The following FTO variants were observed in gnomAD, a reference collection of about 807,000 sequenced individuals.
FTO encodes the protein FTO alpha-ketoglutarate dependent dioxygenase.
FTO carries 47 observed loss-of-function variants against 63.9 expected under a neutral mutation model. The ratio of observed to expected loss-of-function variants is 0.74; its 90% CI spans 0.58 to 0.94. FTO has a LOEUF of 0.94. Among genes scored for constraint, FTO ranks in the 40% least tolerant of loss-of-function variants. FTO has a pLI of 0.00. For missense variants in FTO, 562 were observed against 618.1 expected (o/e 0.91, Z 0.96); for synonymous variants, 207 against 224.4 (o/e 0.92, Z 0.69).
intron 1 of FTO, among the ~76,000 whole-genome samples, chr16:53,729,488 C>T (rs1006190628): frequency 6.8e-6 from 1 of 146,680 alleles, no homozygotes; most frequent in Admixed American, 6.8e-5. Flanking sequence ...GCGTGACAGA[C>T]TGAGACTCCG....
chr16:54,080,956 G>C lies in FTO; in HGVS notation c.1365-30806G>C, dbSNP rs190032887. Reference sequence around the variant, plus strand: ...GCTCCAAAAGATCCTGTTAAGGCAGGATGTAGTGTGAAACCCACAAGCGAA... The same window carrying C: ...GCTCCAAAAGATCCTGTTAAGGCAGCATGTAGTGTGAAACCCACAAGCGAA... On this transcript the variant is annotated intron_variant, in intron 8 of 8. Transcript: ENST00000471389. Among the ~76,000 whole-genome samples the C allele has an allele frequency of 4.6e-5, 7 of 152,276 alleles. No homozygotes were observed. The East Asian group carries it at 1.4e-3, about 29-fold the overall frequency.
intron 7 of FTO, among the ~76,000 whole-genome samples, chr16:53,896,203 G>A (rs920766487): frequency 3.9e-5 from 6 of 152,038 alleles, no homozygotes; most frequent in Non-Finnish European, 7.4e-5. Flanking sequence ...GACTATCATA[G>A]CATTTCAGAT....
chr16:53,753,265 A>C (rs896600642), intron 1 of FTO, among the ~76,000 whole-genome samples: 1 of 151,542 alleles, frequency 6.6e-6, no homozygotes, highest in Non-Finnish European at 1.5e-5. Flanking sequence ...AAAAAAAAAA[A>C]AAACAAAACA....
intron 1 of FTO, among the ~76,000 whole-genome samples, chr16:53,792,674 G>T (rs933056627): frequency 6.6e-6 from 1 of 152,228 alleles, no homozygotes; most frequent in Non-Finnish European, 1.5e-5. Context: ...AACACGTGGT[G>T]AAATCTCATG....
At chr16:53,832,929 A>T (rs1282304941) in intron 3 of FTO, among the ~76,000 whole-genome samples, 1 of 152,148 alleles carries the variant, frequency 6.6e-6, no homozygotes, top group Non-Finnish European at 1.5e-5. Flanking sequence ...ATGTAAGTGG[A>T]ATCATACAAT....
At chr16:53,776,429 G>A (rs1281589578) in intron 1 of FTO, among the ~76,000 whole-genome samples, 1 of 152,182 alleles carries the variant, frequency 6.6e-6, no homozygotes, top group African/African-American at 2.4e-5. Flanking sequence ...GTGTGTGTGA[G>A]AAGGCAGCTA....
chr16:53,862,560 T>C (rs2080206278), intron 4 of FTO, among the ~76,000 whole-genome samples: 1 of 147,322 alleles, frequency 6.8e-6, no homozygotes, highest in Non-Finnish European at 1.5e-5. Flanking sequence ...TTTTTCAAGA[T>C]GGAGTCTCTC....
At chr16:54,096,218 T>C (rs1208671757) in intron 8 of FTO, among the ~76,000 whole-genome samples, 2 of 152,228 alleles carry the variant, frequency 1.3e-5, no homozygotes, top group African/African-American at 4.8e-5. Context: ...CCCAGCGGCA[T>C]AGATATTTAT....
intron 8 of FTO, among the ~76,000 whole-genome samples, chr16:53,990,075 A>T (rs2083771320): frequency 6.6e-6 from 1 of 152,170 alleles, no homozygotes; most frequent in African/African-American, 2.4e-5. Context: ...CTGCCGGTCA[A>T]CAGCAAGCTA....
At chr16:53,857,651 C>A (rs894648859) in intron 4 of FTO, among the ~76,000 whole-genome samples, 1 of 152,120 alleles carries the variant, frequency 6.6e-6, no homozygotes, top group African/African-American at 2.4e-5. Flanking sequence ...GTACTCACTT[C>A]ATTCTCCTTC....
At chr16:54,053,774 TC>T (rs2085365563) in intron 8 of FTO, among the ~76,000 whole-genome samples, 1 of 152,176 alleles carries the variant, frequency 6.6e-6, no homozygotes, top group Non-Finnish European at 1.5e-5. Flanking sequence ...ACCCCTGCCT[TC>T]GAGAAACAGT....
chr16:53,825,743 A>T, intron 2 of FTO, 121 bp from the exon 3 acceptor site: 1 of 1,093,426 alleles, frequency 9.1e-7, no homozygotes, highest in Non-Finnish European at 1.4e-6. Context: ...ACTCCTATTT[A>T]GAAATAGCCA....
At position 53,872,870 on chromosome 16, in the gene FTO, G is replaced by C. The variant is rs182586114; in HGVS notation, c.896-916G>C. Among the ~76,000 whole-genome samples the C allele has an allele frequency of 7.9e-4, 121 of 152,252 alleles. 1 individual carries two copies. Among genetic ancestry groups the C allele is most frequent in the African/African-American group, 2.6e-3 (108 of 41,554 alleles). On this transcript the variant is annotated intron_variant, in intron 4 of 8. Transcript: ENST00000471389. Reference sequence around the variant, plus strand: ...ATTACAACTCTCTTTTTTTGTAATAGAGGAAGTCATGTCCTGAGCAGAGGT... The same window carrying C: ...ATTACAACTCTCTTTTTTTGTAATACAGGAAGTCATGTCCTGAGCAGAGGT...
At chr16:53,940,404 C>T (rs2082499645) in intron 8 of FTO, among the ~76,000 whole-genome samples, 1 of 152,194 alleles carries the variant, frequency 6.6e-6, no homozygotes, top group Non-Finnish European at 1.5e-5. Context: ...ATGGGGCTGT[C>T]ATTAAATTGC....
chr16:54,097,125 T>G (rs2086532391), intron 8 of FTO, among the ~76,000 whole-genome samples: 1 of 152,132 alleles, frequency 6.6e-6, no homozygotes, highest in Non-Finnish European at 1.5e-5. Flanking sequence ...ACTACAGTTT[T>G]TTTAGAGATG....
At chr16:54,057,688 G>A (rs2085468579) in intron 8 of FTO, among the ~76,000 whole-genome samples, 1 of 151,808 alleles carries the variant, frequency 6.6e-6, no homozygotes, top group Non-Finnish European at 1.5e-5. Flanking sequence ...GCCCAGCTGG[G>A]CAAATGGTTA....
chr16:53,895,841 AG>A (rs1163739224), intron 7 of FTO, among the ~76,000 whole-genome samples: 1 of 152,206 alleles, frequency 6.6e-6, no homozygotes, highest in Non-Finnish European at 1.5e-5. Context: ...ACAAAGTGAC[AG>A]GAGCTAGGAA....
At chr16:53,796,967 A>G (rs554301912) in intron 1 of FTO, among the ~76,000 whole-genome samples, 1 of 152,322 alleles carries the variant, frequency 6.6e-6, no homozygotes, top group Admixed American at 6.5e-5. Context: ...CTGGGCAGCT[A>G]CTAATCTGCT....
chr16:53,732,557 G>T (rs1290662157), intron 1 of FTO, among the ~76,000 whole-genome samples: 1 of 152,154 alleles, frequency 6.6e-6, no homozygotes, highest in African/African-American at 2.4e-5. Flanking sequence ...TAGAGGTTAA[G>T]GCACCTTAAG....
Sources: gnomAD v4.1 joint callset for allele counts (sites outside exome capture counted in the v4.1 genomes callset) on GRCh38, gnomAD v4.1.1 for gene constraint, MANE v1.5 for transcripts, NCBI Gene and HGNC (gene_info 2026-07-23, HGNC 2026-07-21) for gene names.